The following RSPH14 variants were observed in gnomAD, a reference collection of about 807,000 sequenced individuals.
The protein encoded by RSPH14 is rhabdoid tumor deletion region gene 1.
A neutral mutation model predicts 26.7 loss-of-function variants in RSPH14; 20 were observed. The observed-to-expected ratio is 0.75, with a 90% CI of 0.53 to 1.09. The LOEUF is 1.09. Ranked by LOEUF, RSPH14 falls within the 50% of genes least tolerant of loss-of-function variation. The probability of loss-of-function intolerance (pLI) is 0.00; values close to 1 mark genes in which losing one functional copy is unlikely to be tolerated. For synonymous variants in RSPH14, 177 were observed against 189.3 expected (o/e 0.93, Z 0.53); for missense variants, 449 against 457.2 (o/e 0.98, Z 0.16).
chr22:23,153,614 G>T, the RSPH14 span: 3 of 984,842 alleles, frequency 3.0e-6, no homozygotes, highest in Admixed American at 6.2e-5. Flanking sequence ...TCCTTCCTCA[G>T]GTCTGAGGCA....
At chr22:23,128,981 G>A (rs938370640) in intron 4 of RSPH14, among the ~76,000 whole-genome samples, 12 of 152,194 alleles carry the variant, frequency 7.9e-5, no homozygotes, top group Non-Finnish European at 1.0e-4. Context: ...CTGGGAGCCA[G>A]CTAAGCCCTG....
At position 23,082,938 on chromosome 22, in the gene RSPH14, A is replaced by G. The variant is rs139170624; in HGVS notation, c.422-18805T>C. On this transcript the variant is annotated intron_variant, in intron 4 of 6. Transcript: ENST00000216036. ...CCCCAGAAACTCCCATTTTAATTCAATAAGGTGTGAAGTGGTCAAGATCAT... is the reference window on the plus strand; with the variant it reads ...CCCCAGAAACTCCCATTTTAATTCAGTAAGGTGTGAAGTGGTCAAGATCAT... Among the ~76,000 whole-genome samples the G allele has an allele frequency of 2.9e-3, 441 of 152,186 alleles. 1 individual carries two copies. The highest frequency in any genetic ancestry group is 4.8e-3 in the South Asian group (23 of 4,818).
chr22:23,154,216 G>A, the RSPH14 span, among the ~76,000 whole-genome samples: 6 of 152,008 alleles, frequency 3.9e-5, no homozygotes, highest in Non-Finnish European at 7.4e-5. Context: ...AGACCCTTCC[G>A]TGCTCCCCTA....
At chr22:23,073,818 C>T (rs1418511383) in intron 4 of RSPH14, among the ~76,000 whole-genome samples, 2 of 152,046 alleles carry the variant, frequency 1.3e-5, no homozygotes, top group Admixed American at 6.5e-5. Context: ...ACAGCAGGGA[C>T]GTAGCATCCA....
At chr22:23,090,919 A>T (rs1262453108) in intron 4 of RSPH14, among the ~76,000 whole-genome samples, 1 of 152,190 alleles carries the variant, frequency 6.6e-6, no homozygotes. Flanking sequence ...AAGTGCCAGA[A>T]TCAAAGCCAT....
intron 4 of RSPH14, among the ~76,000 whole-genome samples, chr22:23,093,195 T>C (rs925072950): frequency 3.3e-5 from 5 of 152,224 alleles, no homozygotes; most frequent in Non-Finnish European, 5.9e-5. Context: ...CATTCTCAGA[T>C]GTAATTTTCA....
At chr22:23,089,680 G>A (rs868588724) in intron 4 of RSPH14, among the ~76,000 whole-genome samples, 35 of 152,190 alleles carry the variant, frequency 2.3e-4, no homozygotes, top group African/African-American at 8.0e-4. Flanking sequence ...CCTGCTGGAC[G>A]GTGGGTGAGA....
chr22:23,164,800 C>A, the RSPH14 span, among the ~76,000 whole-genome samples: 1 of 152,162 alleles, frequency 6.6e-6, no homozygotes, highest in Non-Finnish European at 1.5e-5. Flanking sequence ...GCTGGAGACA[C>A]GTACCTGAAG....
chr22:23,124,705 G>C lies in RSPH14; in HGVS notation c.421+9321C>G. 1.6e-5 allele frequency: 3 copies of C among 189,740 alleles called. 1 individual carries two copies. In the South Asian group the frequency reaches 2.2e-4, roughly 14 times the overall value. The allele number at this position is 189,740 out of a possible 1,614,324, so 11.8% of individuals were successfully genotyped here. The stretch of plus-strand genomic sequence containing the variant: ...ACTGGCTGGAAATGCTCTGACTCCT[G>C]TGAAGGCACAGCCAGCGTTGTGGCC... On this transcript the variant is annotated intron_variant, in intron 4 of 6. Coordinates refer to ENST00000216036, the MANE Select transcript of RSPH14 (RefSeq NM_014433.3).
At chr22:23,110,132 AG>A (rs999746721) in intron 4 of RSPH14, among the ~76,000 whole-genome samples, 4 of 152,332 alleles carry the variant, frequency 2.6e-5, no homozygotes, top group Non-Finnish European at 5.9e-5. Flanking sequence ...GAGGATGACC[AG>A]GCCTGAGGGG....
chr22:23,166,262 G>T, the RSPH14 span, among the ~76,000 whole-genome samples: 3 of 149,620 alleles, frequency 2.0e-5, no homozygotes, highest in Admixed American at 1.3e-4. Context: ...GGCCAAAATG[G>T]GGCATTTTGG....
At chr22:23,150,041 C>T in the RSPH14 span, 5 of 1,571,424 alleles carry the variant, frequency 3.2e-6, no homozygotes, top group Non-Finnish European at 4.3e-6. Context: ...GATGATGTGT[C>T]CGTCTGTCTG....
chr22:23,148,898 A>G (rs770818412), upstream of RSPH14, among the ~76,000 whole-genome samples: 11 of 152,234 alleles, frequency 7.2e-5, no homozygotes, highest in Admixed American at 6.5e-4. Context: ...AAAGTAGACT[A>G]TCAGGCTAAG....
the RSPH14 span, among the ~76,000 whole-genome samples, chr22:23,172,486 G>C: frequency 1.3e-5 from 2 of 149,434 alleles, no homozygotes; most frequent in South Asian, 4.3e-4. Flanking sequence ...AGGCCGAGGC[G>C]GGCAGATCAC....
chr22:23,090,236 A>G (rs2146299075), intron 4 of RSPH14, among the ~76,000 whole-genome samples: 1 of 152,032 alleles, frequency 6.6e-6, no homozygotes, highest in East Asian at 1.9e-4. Flanking sequence ...CCCCTCTCCA[A>G]GAGCAGCCCC....
chr22:23,174,104 G>C, the RSPH14 span, among the ~76,000 whole-genome samples: 3 of 152,140 alleles, frequency 2.0e-5, no homozygotes, highest in Non-Finnish European at 2.9e-5. Context: ...CAGAGGGGGC[G>C]GTTGGGTCCC....
At chr22:23,146,137 T>C (rs1218537178), upstream of RSPH14, 1 of 458,830 alleles carries the variant, frequency 2.2e-6, no homozygotes. Flanking sequence ...CATACCATGC[T>C]GCCTGCTGTA....
intron 4 of RSPH14, among the ~76,000 whole-genome samples, chr22:23,093,184 C>A (rs1011653772): frequency 1.4e-4 from 22 of 152,224 alleles, no homozygotes; most frequent in African/African-American, 5.1e-4. Context: ...CTCAAGGCTT[C>A]CATTCTCAGA....
chr22:23,106,211 G>A (rs1205442389), intron 4 of RSPH14, among the ~76,000 whole-genome samples: 2 of 152,242 alleles, frequency 1.3e-5, no homozygotes, highest in African/African-American at 2.4e-5. Context: ...GACCCTGCAA[G>A]TCAGTGATGG....
Sources: allele counts gnomAD v4.1 joint callset (sites outside exome capture counted in the v4.1 genomes callset), GRCh38; gene constraint gnomAD v4.1.1; transcripts MANE v1.5; gene names NCBI Gene and HGNC (gene_info 2026-07-23, HGNC 2026-07-21).